Variants in ACER1 observed in about 807,000 individuals in gnomAD.
ACER1 encodes alkaline ceramidase 1.
Under a neutral mutation model 24.9 loss-of-function variants are expected in ACER1, and 28 were observed. That is an observed-to-expected ratio of 1.13 (90% CI 0.83 to 1.54). ACER1 has a LOEUF of 1.54. ACER1 is among the 40% of genes most tolerant of loss of function. The pLI, the probability that ACER1 is intolerant of heterozygous loss-of-function variation, is 0.00. For synonymous variants in ACER1, 132 were observed against 131.4 expected, an observed-to-expected ratio of 1.00 and a Z score of -0.03; for missense variants, 352 against 349.3, an observed-to-expected ratio of 1.01 and a Z score of -0.06.
rs575720185 is a variant in ACER1, at chr19:6,308,263, T to C, written c.489-973A>G. On this transcript the variant is annotated intron_variant, in intron 4 of 5. Transcript: ENST00000301452. ...CAGCCTGGCCAACATGGCGAAACTC[T>C]GTCTCTACTAAAAATACAAAAATTA... Among the ~76,000 whole-genome samples the C allele has an allele frequency of 8.4e-3, 1,264 of 151,364 alleles. 18 individuals are homozygous for C. The highest frequency in any genetic ancestry group is 0.029 in the African/African-American group (1,210 of 41,246).
chr19:6,312,885 C>T (rs1222851182), intron 1 of ACER1, among the ~76,000 whole-genome samples: 1 of 151,946 alleles, frequency 6.6e-6, no homozygotes, highest in Non-Finnish European at 1.5e-5. Context: ...CCATGTTGGC[C>T]AGGCTGCTCT....
the ACER1 span, among the ~76,000 whole-genome samples, chr19:6,341,523 CAA>C: frequency 2.6e-4 from 16 of 60,604 alleles, no homozygotes; most frequent in Non-Finnish European, 4.4e-4. Flanking sequence ...GACCTTGTCT[CAA>C]AAAAAAAAAA....
At chr19:6,349,255 T>C in the ACER1 span, among the ~76,000 whole-genome samples, 1 of 150,728 alleles carries the variant, frequency 6.6e-6, no homozygotes, top group Non-Finnish European at 1.5e-5. Context: ...GGCAGGTGGA[T>C]GGCTTGAGCC....
the ACER1 span, among the ~76,000 whole-genome samples, chr19:6,344,961 G>T: frequency 6.6e-6 from 1 of 150,930 alleles, no homozygotes; most frequent in Non-Finnish European, 1.5e-5. Context: ...CGCCTCCCGG[G>T]TTCACACCAT....
intron 1 of ACER1, among the ~76,000 whole-genome samples, chr19:6,318,231 A>T (rs2091613247): frequency 6.6e-6 from 1 of 150,586 alleles, no homozygotes; most frequent in Non-Finnish European, 1.5e-5. Context: ...GCACTTTGGG[A>T]GGCCGAGGTG....
chr19:6,325,202 G>A (rs997293709), intron 1 of ACER1, among the ~76,000 whole-genome samples: 1 of 152,170 alleles, frequency 6.6e-6, no homozygotes, highest in Non-Finnish European at 1.5e-5. Flanking sequence ...TCTCAGGACA[G>A]AGCACACAGT....
chr19:6,318,412 T>C (rs1308483551), intron 1 of ACER1, among the ~76,000 whole-genome samples: 1 of 151,718 alleles, frequency 6.6e-6, no homozygotes, highest in African/African-American at 2.4e-5. Flanking sequence ...GAGGTTGCAG[T>C]GAGCTGAGAT....
At chr19:6,307,760 C>T (rs559699895) in intron 4 of ACER1, among the ~76,000 whole-genome samples, 91 of 152,158 alleles carry the variant, frequency 6.0e-4, no homozygotes, top group Non-Finnish European at 9.9e-4. Context: ...CGCTGCACTC[C>T]GGCCTGGGTG....
chr19:6,359,232 A>G, the ACER1 span, among the ~76,000 whole-genome samples: 3 of 152,244 alleles, frequency 2.0e-5, no homozygotes, highest in Middle Eastern at 3.4e-3. Context: ...ACACTGACTC[A>G]AAACAAAAAA....
At chr19:6,308,365 G>A (rs2144994560) in intron 4 of ACER1, among the ~76,000 whole-genome samples, 1 of 150,742 alleles carries the variant, frequency 6.6e-6, no homozygotes, top group South Asian at 2.1e-4. Context: ...AACCCAGGAG[G>A]TGGAGATTGC....
chr19:6,341,123 C>T, the ACER1 span, among the ~76,000 whole-genome samples: 7 of 151,442 alleles, frequency 4.6e-5, no homozygotes, highest in South Asian at 2.1e-4. Flanking sequence ...TCTTTTGAGA[C>T]GGAGTCTTGC....
Position 6,333,477 on chromosome 19 carries a change from C to A in ACER1, c.75G>T (p.Val25=). 1 of 1,590,756 alleles carries A rather than the reference C, an allele frequency of 6.3e-7. No individual in the cohort carries two copies. The highest frequency in any genetic ancestry group is 1.3e-5 in the African/African-American group (1 of 74,488). ...CACTCACCGTGTTGTAGAACTCGGC[C>A]ACCAGCTCCGAGTACTGGAAGTTGC... ...CESNFQYSEL[V]AEFYNTFSNI... Residue 25 remains valine (V), a synonymous_variant, in exon 1 of 6, where the codon GTG becomes GTT. Coordinates refer to ENST00000301452, the MANE Select transcript of ACER1 (RefSeq NM_133492.3).
At chr19:6,329,023 T>C (rs28554469) in intron 1 of ACER1, among the ~76,000 whole-genome samples, 21,724 of 151,756 alleles carry the variant, frequency 0.14, 2,978 homozygotes, top group African/African-American at 0.36. Context: ...TGGCATGCTC[T>C]TGTGGTTCCA....
the ACER1 span, among the ~76,000 whole-genome samples, chr19:6,339,617 G>A: frequency 1.3e-5 from 2 of 152,142 alleles, no homozygotes; most frequent in Non-Finnish European, 2.9e-5. Flanking sequence ...TCAGTTTCGT[G>A]TTATGTATCT....
chr19:6,331,242 C>T (rs561311143), intron 1 of ACER1, among the ~76,000 whole-genome samples: 5 of 147,780 alleles, frequency 3.4e-5, no homozygotes, highest in South Asian at 2.1e-4. Flanking sequence ...CTCTGCCTCC[C>T]GGGTTCAAGT....
upstream of ACER1, among the ~76,000 whole-genome samples, chr19:6,337,175 CA>C (rs56792886): frequency 0.13 from 15,852 of 119,580 alleles, 1,831 homozygotes; most frequent in African/African-American, 0.34. Flanking sequence ...GACTCCCTCT[CA>C]AAAAAAAAAA....
At chr19:6,323,415 T>C (rs1600241614) in intron 1 of ACER1, among the ~76,000 whole-genome samples, 2 of 140,442 alleles carry the variant, frequency 1.4e-5, no homozygotes, top group Admixed American at 7.0e-5. Context: ...CGAGACTCCG[T>C]CTCAAAAAAA....
At chr19:6,331,497 A>ATTTTCCCTCGGGGGCCT in intron 1 of ACER1, among the ~76,000 whole-genome samples, 3 of 150,662 alleles carry the variant, frequency 2.0e-5, no homozygotes, top group African/African-American at 7.3e-5. Context: ...CAGGGCATAG[A>ATTTTCCCTCGGGGGCCT]ACTAAGCACT....
At chr19:6,333,759 G>C (rs2091701541), upstream of ACER1, 1 of 513,384 alleles carries the variant, frequency 1.9e-6, no homozygotes, top group African/African-American at 1.9e-5. Flanking sequence ...CCGTGGGACT[G>C]GCACTGTCCA....
Sources: gnomAD v4.1 joint callset for allele counts (sites outside exome capture counted in the v4.1 genomes callset) on GRCh38, gnomAD v4.1.1 for gene constraint, MANE v1.5 for transcripts, NCBI Gene and HGNC (gene_info 2026-07-23, HGNC 2026-07-21) for gene names.